Variants in SDK1 observed in about 807,000 individuals in gnomAD.
The protein encoded by SDK1 is sidekick cell adhesion molecule 1, also known as protein sidekick-1.
SDK1 carries 157 observed loss-of-function variants against 245.5 expected under a neutral mutation model. The ratio of observed to expected loss-of-function variants is 0.64; its 90% CI spans 0.56 to 0.73. SDK1 has a LOEUF of 0.73. Ranked by LOEUF, SDK1 falls within the 30% of genes least tolerant of loss-of-function variation. The pLI is 0.00. For missense variants in SDK1, 3,583 were observed against 3,002.3 expected (o/e 1.19, Z -4.52); for synonymous variants, 1,647 against 1,278.5 (o/e 1.29, Z -6.15).
chr7:3,726,047 G>A (rs1778998026), intron 4 of SDK1, among the ~76,000 whole-genome samples: 1 of 152,220 alleles, frequency 6.6e-6, no homozygotes, highest in Non-Finnish European at 1.5e-5. Context: ...TGTGCTTGAA[G>A]CAATATCACC....
chr7:3,531,650 C>A (rs931317072), intron 1 of SDK1, among the ~76,000 whole-genome samples: 1 of 152,132 alleles, frequency 6.6e-6, no homozygotes, highest in Non-Finnish European at 1.5e-5. Context: ...TATTTTCTCC[C>A]ACATTAGTGT....
At chr7:3,554,729 A>G (rs1481050380) in intron 1 of SDK1, among the ~76,000 whole-genome samples, 2 of 152,230 alleles carry the variant, frequency 1.3e-5, no homozygotes. Flanking sequence ...TGATAAACAA[A>G]TTCATTATAG....
chr7:3,958,805 C>T (rs956271321), intron 7 of SDK1, 126 bp from the exon 8 acceptor site: 30 of 765,504 alleles, frequency 3.9e-5, no homozygotes, highest in South Asian at 3.4e-4. Flanking sequence ...TTTGTATGCA[C>T]GATGCTAACT....
intron 1 of SDK1, among the ~76,000 whole-genome samples, chr7:3,578,719 C>G (rs373110165): frequency 1.5e-4 from 23 of 151,862 alleles, no homozygotes; most frequent in Admixed American, 6.6e-4. Context: ...TTTATAGGCT[C>G]TCTGCAGGAA....
At chr7:4,083,556 CCCTTCCTT>C (rs1402049336) in intron 22 of SDK1, among the ~76,000 whole-genome samples, 1 of 108,134 alleles carries the variant, frequency 9.2e-6, no homozygotes, top group East Asian at 3.0e-4. Flanking sequence ...CTCCCTCCCT[CCCTTCCTT>C]CCTTTTTGCC....
intron 1 of SDK1, among the ~76,000 whole-genome samples, chr7:3,390,434 G>A (rs1781720632): frequency 6.6e-6 from 1 of 152,046 alleles, no homozygotes; most frequent in Non-Finnish European, 1.5e-5. Flanking sequence ...CTCTTATTGT[G>A]CACAATTGAT....
intron 30 of SDK1, among the ~76,000 whole-genome samples, chr7:4,157,517 C>T (rs1160095488): frequency 1.2e-3 from 96 of 78,100 alleles, no homozygotes; most frequent in Non-Finnish European, 2.0e-3. Flanking sequence ...CAGCAAGGAG[C>T]GGGGAGGGAG....
chr7:3,595,937 A>G (rs2128637043), intron 1 of SDK1, among the ~76,000 whole-genome samples: 1 of 148,068 alleles, frequency 6.8e-6, no homozygotes, highest in African/African-American at 2.5e-5. Context: ...CGGTGTTTTA[A>G]CCTGTCTAAT....
At chr7:3,371,961 C>G (rs1781238856) in intron 1 of SDK1, among the ~76,000 whole-genome samples, 1 of 152,164 alleles carries the variant, frequency 6.6e-6, no homozygotes, top group African/African-American at 2.4e-5. Flanking sequence ...TGAAGAAACA[C>G]AGGTTAGGTT....
chr7:4,218,026 CCT>C (rs1291832319), intron 38 of SDK1, among the ~76,000 whole-genome samples: 1 of 152,192 alleles, frequency 6.6e-6, no homozygotes, highest in Non-Finnish European at 1.5e-5. Flanking sequence ...ATCCTCATCA[CCT>C]CTCTGAGCAA....
At chr7:3,838,777 G>C (rs544986782) in intron 5 of SDK1, among the ~76,000 whole-genome samples, 1 of 152,334 alleles carries the variant, frequency 6.6e-6, no homozygotes, top group East Asian at 1.9e-4. Context: ...AGACCATGCA[G>C]TGGGTGTCGA....
chr7:3,890,159 A>G (rs1197446298), intron 5 of SDK1, among the ~76,000 whole-genome samples: 3 of 152,112 alleles, frequency 2.0e-5, no homozygotes, highest in Non-Finnish European at 4.4e-5. Context: ...AGGGACTAGA[A>G]CTCTGTCCTC....
intron 4 of SDK1, among the ~76,000 whole-genome samples, chr7:3,713,213 A>C (rs1462238597): frequency 6.6e-6 from 1 of 152,224 alleles, no homozygotes; most frequent in East Asian, 1.9e-4. Context: ...TGGATGATGA[A>C]GACATTGTCT....
chr7:3,654,171 C>G (rs920078686), intron 4 of SDK1, among the ~76,000 whole-genome samples: 1 of 152,126 alleles, frequency 6.6e-6, no homozygotes, highest in African/African-American at 2.4e-5. Context: ...CTGTAAATGT[C>G]ACACTGCTCC....
intron 35 of SDK1, among the ~76,000 whole-genome samples, chr7:4,194,394 ACATATAT>A (rs1783453159): frequency 9.9e-6 from 1 of 100,556 alleles, no homozygotes. Context: ...ATACATGTAT[ACATATAT>A]GTATGCACAT....
intron 14 of SDK1, among the ~76,000 whole-genome samples, chr7:4,007,700 G>T (rs560456301): frequency 1.3e-5 from 2 of 152,028 alleles, no homozygotes; most frequent in Admixed American, 6.6e-5. Context: ...CGCCTCCCGG[G>T]TTTCAGCAAT....
At chr7:3,948,773 G>T (rs570125814) in intron 5 of SDK1, among the ~76,000 whole-genome samples, 2 of 152,188 alleles carry the variant, frequency 1.3e-5, no homozygotes, top group Non-Finnish European at 2.9e-5. Context: ...GGGGAGGAGG[G>T]ACTCAGTGGC....
At chr7:3,831,428 CT>C (rs909641656) in intron 5 of SDK1, among the ~76,000 whole-genome samples, 14 of 152,158 alleles carry the variant, frequency 9.2e-5, no homozygotes, top group African/African-American at 3.1e-4. Flanking sequence ...ATTTCCCTTC[CT>C]TCAGAATTCT....
At chr7:3,682,103 C>G (rs551859091) in intron 4 of SDK1, among the ~76,000 whole-genome samples, 99 of 152,282 alleles carry the variant, frequency 6.5e-4, no homozygotes, top group African/African-American at 2.1e-3. Context: ...GTCAGACGAC[C>G]AGTGAAGATT....
Sources: allele counts gnomAD v4.1 joint callset (sites outside exome capture counted in the v4.1 genomes callset), GRCh38; gene constraint gnomAD v4.1.1; transcripts MANE v1.5; gene names NCBI Gene and HGNC (gene_info 2026-07-23, HGNC 2026-07-21).